The following TBX18 variants were observed in gnomAD, a reference collection of about 807,000 sequenced individuals.
The protein encoded by TBX18 is T-box transcription factor TBX18.
Under a neutral mutation model 55.0 loss-of-function variants are expected in TBX18, and 21 were observed. The ratio of observed to expected loss-of-function variants is 0.38; its 90% CI spans 0.27 to 0.55. The LOEUF is 0.55. Ranked by LOEUF, TBX18 falls within the 20% of genes least tolerant of loss-of-function variation. The pLI is 0.73. For missense variants in TBX18, 840 were observed against 799.6 expected, an observed-to-expected ratio of 1.05 and a Z score of -0.61; for synonymous variants, 342 against 326.1, an observed-to-expected ratio of 1.05 and a Z score of -0.53.
In TBX18 at chr6:84,736,827, C is replaced by A. The variant is rs1160240401; in HGVS notation, c.1682G>T (p.Gly561Val). 6.2e-7 allele frequency: 1 copy of A among 1,614,086 alleles called. No individual in the cohort carries two copies. Among genetic ancestry groups the A allele is most frequent in the Non-Finnish European group, 8.5e-7 (1 of 1,180,020 alleles). Residue 561 changes from glycine to valine, a missense_variant, in exon 8 of 8, where the codon GGG becomes GTG. By Grantham distance (109) the Gly-to-Val change is moderately radical. Coordinates refer to ENST00000369663, the MANE Select transcript of TBX18 (RefSeq NM_001080508.3). ...CAACATCTGCCGATCCGTCATGGTCCCACTCGGTGAGGACCCCAAGAAACT... is the reference window on the plus strand; with the variant it reads ...CAACATCTGCCGATCCGTCATGGTCACACTCGGTGAGGACCCCAAGAAACT... Reference protein sequence around the residue: ...QGSFLGSSPSGTMTDRQMLPP... With the variant: ...QGSFLGSSPSVTMTDRQMLPP...
rs1766880276 is a variant in TBX18, at chr6:84,736,893, T to C, written c.1616A>G (p.Lys539Arg). The change falls in exon 8 of 8, where the codon AAA becomes AGA. Residue 539 changes from lysine to arginine, a missense_variant. Lys to Arg is a conservative substitution (Grantham distance 26). Coordinates refer to ENST00000369663, the MANE Select transcript of TBX18 (RefSeq NM_001080508.3). ...AATTTTCTCAGGACTGGCAGCCAGT[T>C]TGGGGGATGTGGAGAAGTTATATCC... ...LYGYNFSTSP[K>R]LAASPEKIVS... 1 of 1,613,030 alleles carries C rather than the reference T, an allele frequency of 6.2e-7. No individual in the cohort carries two copies. The highest frequency in any genetic ancestry group is 1.7e-5 in the Admixed American group (1 of 59,880).
Position 84,737,355 on chromosome 6 carries a change from G to C in TBX18, c.1154C>G (p.Thr385Ser), listed in dbSNP as rs747160207. ...GGAGCCAGACAAAAGGTGAGGGTGA[G>C]TGGCAGGAACGCCATTCCCAGTACC... Reference protein sequence around the residue: ...LQGTGNGVPATHPHLLSGSSC... With the variant: ...LQGTGNGVPASHPHLLSGSSC... Residue 385 changes from threonine to serine, a missense_variant, in exon 8 of 8, where the codon ACT becomes AGT. Transcript: ENST00000369663. 6.4e-7 allele frequency: 1 copy of C among 1,559,836 alleles called. No individual in the cohort carries two copies. The highest frequency in any genetic ancestry group is 8.7e-7 in the Non-Finnish European group (1 of 1,155,896).
intron 6 of TBX18, chr6:84,740,986 A>G (rs1357745047): frequency 2.0e-5 from 3 of 152,246 alleles, no homozygotes; most frequent in African/African-American, 7.2e-5. Flanking sequence ...CATCACAAAT[A>G]TATAACCCTA....
rs1215451977 is a variant in TBX18 at position 84,736,895 on chromosome 6, G to A, written c.1614C>T (p.Pro538=). Reference sequence around the variant, plus strand: ...TTTTCTCAGGACTGGCAGCCAGTTTGGGGGATGTGGAGAAGTTATATCCAT... The same window carrying A: ...TTTTCTCAGGACTGGCAGCCAGTTTAGGGGATGTGGAGAAGTTATATCCAT... ...ALYGYNFSTS[P]KLAASPEKIV... The change falls in exon 8 of 8, where the codon CCC becomes CCT. Residue 538 remains proline (P), a synonymous_variant. Transcript: ENST00000369663. The A allele has an allele frequency of 1.2e-6, 2 of 1,613,100 alleles. No individual in the cohort carries two copies. Among genetic ancestry groups the A allele is most frequent in the African/African-American group, 1.3e-5 (1 of 74,902 alleles).
At chr6:84,761,616 T>C (rs1767649084) in intron 2 of TBX18, among the ~76,000 whole-genome samples, 1 of 152,214 alleles carries the variant, frequency 6.6e-6, no homozygotes, top group African/African-American at 2.4e-5. Flanking sequence ...GTGTACTCCC[T>C]GAAAGAGTTG....
At position 84,744,971 on chromosome 6, in the gene TBX18, G is replaced by A. The variant is rs376675722; in HGVS notation, c.940-646C>T. 2.6e-5 allele frequency among the ~76,000 whole-genome samples: 4 copies of A among 152,196 alleles called. No homozygotes were observed. In the South Asian group the frequency reaches 6.2e-4, roughly 24 times the overall value. On this transcript the variant is annotated intron_variant, in intron 5 of 7. Transcript: ENST00000369663. ...GTCTAACCAGAGGTAACCACTACTTGAAGGTTCTAATGAATCAAATCTCAT... is the reference window on the plus strand; with the variant it reads ...GTCTAACCAGAGGTAACCACTACTTAAAGGTTCTAATGAATCAAATCTCAT...
rs976810100 is a variant in TBX18 at position 84,735,657 on chromosome 6, T to A, written c.*1028A>T. On this transcript the variant is annotated 3_prime_UTR_variant, in exon 8 of 8. Coordinates refer to ENST00000369663, the MANE Select transcript of TBX18 (RefSeq NM_001080508.3). ...AATTACAAGATATAAATAAGTAGCA[T>A]AAATGCATTTTTTTTACTTATATAC... is the stretch of plus-strand genomic sequence containing the variant. The A allele has an allele frequency of 1.3e-5, 2 of 152,206 alleles. No homozygotes were observed. Among genetic ancestry groups the A allele is most frequent in the Non-Finnish European group, 2.9e-5 (2 of 68,034 alleles). 9.4% of individuals were successfully genotyped at this position (152,206 alleles called of 1,614,324 possible). A position where few individuals can be genotyped will look rare whatever the true frequency, so the allele number is the denominator to read the frequency against.
chr6:84,755,108 G>A (rs2127878960), intron 4 of TBX18, among the ~76,000 whole-genome samples: 1 of 72,320 alleles, frequency 1.4e-5, no homozygotes, highest in Middle Eastern at 5.7e-3. Context: ...AAAGTCTATT[G>A]AAATCATAAA....
At chr6:84,745,628 C>A (rs956946059) in intron 5 of TBX18, among the ~76,000 whole-genome samples, 2 of 152,082 alleles carry the variant, frequency 1.3e-5, no homozygotes, top group Non-Finnish European at 2.9e-5. Flanking sequence ...GCCACTCTGT[C>A]ATTGAAGGAA....
At chr6:84,763,212 A>G (rs1437726723) in intron 1 of TBX18, 1 of 362,788 alleles carries the variant, frequency 2.8e-6, no homozygotes, top group Non-Finnish European at 5.4e-6. Context: ...GGGCCTCCTT[A>G]AGCCATAAGC....
chr6:84,753,620 A>G (rs554342474), intron 4 of TBX18, among the ~76,000 whole-genome samples: 1 of 152,368 alleles, frequency 6.6e-6, no homozygotes, highest in African/African-American at 2.4e-5. Flanking sequence ...AGGTCTCTGC[A>G]TCAGCAAAGG....
At chr6:84,747,025 A>C (rs923422259) in intron 5 of TBX18, among the ~76,000 whole-genome samples, 1 of 152,124 alleles carries the variant, frequency 6.6e-6, no homozygotes, top group Non-Finnish European at 1.5e-5. Context: ...TGAGCCTCTC[A>C]GCCCAAAGAA....
At chr6:84,751,334 C>A (rs1196411576) in intron 4 of TBX18, among the ~76,000 whole-genome samples, 1 of 152,082 alleles carries the variant, frequency 6.6e-6, no homozygotes, top group Non-Finnish European at 1.5e-5. Flanking sequence ...AATATCCTTA[C>A]CATATTTCAA....
rs907332279 is a variant in TBX18, at chr6:84,733,986, T to C, written c.*2699A>G. ...GGGTGCCTCACTTGTGAAAAGCTGT[T>C]GACCTCTGGAAGGCAGCTTGTAAGG... On this transcript the variant is annotated 3_prime_UTR_variant, in exon 8 of 8. Transcript: ENST00000369663. The C allele has an allele frequency of 6.6e-6, 1 of 152,176 alleles. No homozygotes were observed. Among genetic ancestry groups the C allele is most frequent in the Admixed American group, 6.5e-5 (1 of 15,268 alleles). The allele number at this position is 152,176 out of a possible 1,614,324, so 9.4% of individuals were successfully genotyped here. A position where few individuals can be genotyped will look rare whatever the true frequency, so the allele number is the denominator to read the frequency against.
chr6:84,753,395 A>G (rs1767402350), intron 4 of TBX18, among the ~76,000 whole-genome samples: 1 of 152,006 alleles, frequency 6.6e-6, no homozygotes, highest in African/African-American at 2.4e-5. Context: ...ACTATGCTGC[A>G]CACTTGCACA....
intron 2 of TBX18, among the ~76,000 whole-genome samples, chr6:84,761,506 T>C (rs1299726321): frequency 6.6e-6 from 1 of 152,200 alleles, no homozygotes; most frequent in Non-Finnish European, 1.5e-5. Flanking sequence ...ATAAAAGCTC[T>C]GTGAAAATGT....
chr6:84,747,807 C>A, intron 5 of TBX18, 113 bp downstream of exon 5: 1 of 977,154 alleles, frequency 1.0e-6, no homozygotes, highest in South Asian at 2.0e-5. Context: ...CTTTGAATGT[C>A]ATATATGGCA....
chr6:84,738,570 C>G lies in TBX18; in HGVS notation c.1026G>C (p.Val342=), dbSNP rs780199664. 8 of 1,613,938 alleles carry G rather than the reference C, an allele frequency of 5.0e-6. No homozygotes were observed. Among genetic ancestry groups the G allele is most frequent in the Non-Finnish European group, 5.9e-6 (7 of 1,179,936 alleles). The stretch of plus-strand genomic sequence containing the variant: ...ATGGTCGCCAGAATGCATATGATTC[C>G]ACCAAGGCTTCCAAACCCATTCTAA... The part of the protein sequence containing the change: ...GRNRMGLEAL[V]ESYAFWRPSL... Residue 342 remains valine (V), a synonymous_variant, in exon 7 of 8, where the codon GTG becomes GTC. Transcript: ENST00000369663.
At chr6:84,762,962 G>C in intron 1 of TBX18, 1 of 594,928 alleles carries the variant, frequency 1.7e-6, no homozygotes, top group Non-Finnish European at 3.0e-6. Flanking sequence ...AGTGTGGCCT[G>C]CTTGGTCCCC....
Sources: allele counts gnomAD v4.1 joint callset (sites outside exome capture counted in the v4.1 genomes callset), GRCh38; gene constraint gnomAD v4.1.1; transcripts MANE v1.5; gene names NCBI Gene and HGNC (gene_info 2026-07-23, HGNC 2026-07-21).